The following NUDT3 variants were observed in gnomAD, a reference collection of about 807,000 sequenced individuals.
NUDT3 encodes the protein nudix hydrolase 3.
In NUDT3, 9 loss-of-function variants were observed where a neutral mutation model predicts 23.6. The observed-to-expected ratio is 0.38, with a 90% CI of 0.23 to 0.66. NUDT3 has a LOEUF of 0.66. Ranked by LOEUF, NUDT3 falls within the 30% of genes least tolerant of loss-of-function variation. The pLI, the probability that NUDT3 is intolerant of heterozygous loss-of-function variation, is 0.52. For missense variants in NUDT3, 172 were observed against 218.5 expected, an observed-to-expected ratio of 0.79 and a Z score of 1.34; for synonymous variants, 86 against 82.6, an observed-to-expected ratio of 1.04 and a Z score of -0.22.
intron 4 of NUDT3, among the ~76,000 whole-genome samples, chr6:34,292,103 G>C (rs1018867654): frequency 1.7e-4 from 26 of 152,294 alleles, no homozygotes; most frequent in African/African-American, 6.3e-4. Flanking sequence ...GCCTGACAGA[G>C]AGTGCTCTGA....
In NUDT3 at chr6:34,354,749, A is replaced by ATATATATATATATATATATTTATTTATT. The variant is rs570166534; in HGVS notation, c.100-12778_100-12777insAATAAATAAATATATATATATATATATA. Among the ~76,000 whole-genome samples, 124 of 144,528 alleles carry ATATATATATATATATATATTTATTTATT rather than the reference A, an allele frequency of 8.6e-4. 2 individuals carry two copies. The highest frequency in any genetic ancestry group is 2.9e-3 in the African/African-American group (114 of 39,390). The allele number at this position is 144,528 out of a possible 152,430, so 94.8% of individuals were successfully genotyped here. A position where few individuals can be genotyped will look rare whatever the true frequency, so the allele number is the denominator to read the frequency against. ...GGGGGGAAAAAGTATATATATATAT[A>ATATATATATATATATATATTTATTTATT]TATTTATTTACTTTATATTTGTATT... On this transcript the variant is annotated intron_variant, in intron 1 of 4. Transcript: ENST00000607016.
intron 4 of NUDT3, among the ~76,000 whole-genome samples, chr6:34,292,894 G>C (rs1343239058): frequency 6.6e-6 from 1 of 152,178 alleles, no homozygotes. Context: ...TTTGATTTTA[G>C]AAGCAACATT....
Position 34,379,893 on chromosome 6 carries a change from G to A in NUDT3, c.99+12371C>T, listed in dbSNP as rs1369047303. 2.0e-5 allele frequency among the ~76,000 whole-genome samples: 3 copies of A among 151,798 alleles called. No individual in the cohort carries two copies. In the South Asian group the frequency reaches 6.2e-4, roughly 31 times the overall value. On this transcript the variant is annotated intron_variant, in intron 1 of 4. Transcript: ENST00000607016. ...GGGGTGGCACATGCCTGTGATCCCA[G>A]CTACTTGGGAGGTGGAGGCAGGAAA...
At chr6:34,310,514 G>A (rs1763754720) in intron 2 of NUDT3, among the ~76,000 whole-genome samples, 1 of 152,126 alleles carries the variant, frequency 6.6e-6, no homozygotes, top group South Asian at 2.1e-4. Context: ...GGGCAACAGA[G>A]TGAGACTCTG....
At chr6:34,356,575 T>C (rs1444115772) in intron 1 of NUDT3, among the ~76,000 whole-genome samples, 2 of 152,108 alleles carry the variant, frequency 1.3e-5, no homozygotes, top group Non-Finnish European at 2.9e-5. Flanking sequence ...AGCAACAGAC[T>C]AGAATATCAA....
intron 1 of NUDT3, among the ~76,000 whole-genome samples, chr6:34,379,288 A>G (rs1764974426): frequency 6.6e-6 from 1 of 152,180 alleles, no homozygotes; most frequent in South Asian, 2.1e-4. Context: ...GGTGGGGTAC[A>G]GTGGCTCACA....
At chr6:34,296,106 A>G (rs1288252957) in intron 2 of NUDT3, among the ~76,000 whole-genome samples, 1 of 152,138 alleles carries the variant, frequency 6.6e-6, no homozygotes, top group East Asian at 1.9e-4. Context: ...TGCCTCTAAA[A>G]ATTTGTTTTT....
intron 2 of NUDT3, among the ~76,000 whole-genome samples, chr6:34,324,588 T>G (rs1209489554): frequency 6.6e-6 from 1 of 152,194 alleles, no homozygotes; most frequent in African/African-American, 2.4e-5. Flanking sequence ...TTTTTAGGGT[T>G]AAAACTTTAC....
Position 34,279,740 on chromosome 6 carries a change from C to A in NUDT3, c.*9013G>T, listed in dbSNP as rs1450598384. 1 of 152,224 alleles carries A rather than the reference C, an allele frequency of 6.6e-6. No individual in the cohort carries two copies. Among genetic ancestry groups the A allele is most frequent in the Non-Finnish European group, 1.5e-5 (1 of 68,048 alleles). The allele number at this position is 152,224 out of a possible 1,614,324, so 9.4% of individuals were successfully genotyped here. A position where few individuals can be genotyped will look rare whatever the true frequency, so the allele number is the denominator to read the frequency against. ...GATTACAACCTACAATTTCAATGCC[C>A]TTCCCTCCCACACAGCTCAAATGGA... On this transcript the variant is annotated 3_prime_UTR_variant, in exon 5 of 5. Transcript: ENST00000607016.
chr6:34,379,091 T>C (rs905265736), intron 1 of NUDT3, among the ~76,000 whole-genome samples: 1 of 152,208 alleles, frequency 6.6e-6, no homozygotes, highest in African/African-American at 2.4e-5. Context: ...TAGTTCTAGT[T>C]TTCTTTTCAT....
chr6:34,361,397 A>C (rs1036113032), intron 1 of NUDT3, among the ~76,000 whole-genome samples: 4 of 152,230 alleles, frequency 2.6e-5, no homozygotes, highest in African/African-American at 9.6e-5. Flanking sequence ...GGGGATGTGG[A>C]GCAACAGAAA....
intron 2 of NUDT3, among the ~76,000 whole-genome samples, chr6:34,323,354 C>T (rs1470129518): frequency 6.6e-6 from 1 of 152,100 alleles, no homozygotes; most frequent in Non-Finnish European, 1.5e-5. Context: ...ATCTCTTGAA[C>T]CCAGGATTTC....
At chr6:34,371,974 A>G (rs1764838625) in intron 1 of NUDT3, among the ~76,000 whole-genome samples, 2 of 152,160 alleles carry the variant, frequency 1.3e-5, no homozygotes, top group African/African-American at 2.4e-5. Flanking sequence ...ATTCCCACCT[A>G]TAAGTGAGAA....
chr6:34,387,750 A>G (rs924564055), intron 1 of NUDT3, among the ~76,000 whole-genome samples: 83 of 81,642 alleles, frequency 1.0e-3, no homozygotes, highest in African/African-American at 2.2e-3. Context: ...ATAGCTGTAC[A>G]ATGTGTTTTA....
intron 2 of NUDT3, among the ~76,000 whole-genome samples, chr6:34,301,356 C>A (rs1202956553): frequency 6.6e-6 from 1 of 152,232 alleles, no homozygotes; most frequent in Non-Finnish European, 1.5e-5. Flanking sequence ...TTCTGCAGCT[C>A]TTCCCATCAA....
Position 34,284,437 on chromosome 6 carries a change from G to A in NUDT3, c.*4316C>T, listed in dbSNP as rs1023582883. On this transcript the variant is annotated 3_prime_UTR_variant, in exon 5 of 5. Transcript: ENST00000607016. ...TTCTAAATCCGCCCTTGATATTAGAGAATATTAAAATCACACAGTTGTGGC... is the reference window on the plus strand; with the variant it reads ...TTCTAAATCCGCCCTTGATATTAGAAAATATTAAAATCACACAGTTGTGGC... The A allele has an allele frequency of 2.6e-5, 4 of 151,292 alleles. No individual in the cohort carries two copies. Among genetic ancestry groups the A allele is most frequent in the African/African-American group, 9.7e-5 (4 of 41,126 alleles). The allele number at this position is 151,292 out of a possible 1,614,324, so 9.4% of individuals were successfully genotyped here.
At chr6:34,385,686 C>CT (rs541577321) in intron 1 of NUDT3, among the ~76,000 whole-genome samples, 2,928 of 140,284 alleles carry the variant, frequency 0.021, 74 homozygotes, top group African/African-American at 0.058. Flanking sequence ...GCAGTAATTT[C>CT]TTTTTTTTTT....
At chr6:34,342,253 T>C (rs1317452826) in intron 1 of NUDT3, among the ~76,000 whole-genome samples, 2 of 145,760 alleles carry the variant, frequency 1.4e-5, no homozygotes, top group African/African-American at 5.1e-5. Context: ...GCTAGAGCCC[T>C]TTGAACACAG....
intron 1 of NUDT3, among the ~76,000 whole-genome samples, chr6:34,352,734 C>CAA (rs926484640): frequency 5.5e-4 from 83 of 152,218 alleles, no homozygotes; most frequent in African/African-American, 1.8e-3. Context: ...TTTAAGATGT[C>CAA]AAAGTTTAAA....
Sources: allele counts gnomAD v4.1 joint callset (sites outside exome capture counted in the v4.1 genomes callset), GRCh38; gene constraint gnomAD v4.1.1; transcripts MANE v1.5; gene names NCBI Gene and HGNC (gene_info 2026-07-23, HGNC 2026-07-21).